VMA22: variants seen among roughly 807,000 people sequenced by gnomAD.
The protein encoded by VMA22 is vacuolar ATPase assembly factor VMA22, also known as vacuolar ATPase assembly protein VMA22.
At chr2:130,339,833 A>C in the VMA22 span, 2 of 1,280,452 alleles carry the variant, frequency 1.6e-6, no homozygotes, top group Non-Finnish European at 2.0e-6. Flanking sequence ...TCCCGTCCAT[A>C]CTCCCCAGGC....
the VMA22 span, chr2:130,339,287 G>C: frequency 2.0e-6 from 3 of 1,493,160 alleles, no homozygotes; most frequent in South Asian, 1.2e-5. Context: ...ACACGACCCA[G>C]GAGGATCTGG....
chr2:130,342,206 T>G, the VMA22 span: 2 of 1,568,298 alleles, frequency 1.3e-6, no homozygotes, highest in Non-Finnish European at 1.7e-6. Context: ...GCACACGAGA[T>G]CCTCCATCAA....
chr2:130,341,316 A>G, the VMA22 span: 1 of 547,548 alleles, frequency 1.8e-6, no homozygotes, highest in Non-Finnish European at 3.2e-6. Context: ...GTACCTGAAC[A>G]TGCCAACAGA....
chr2:130,341,801 G>GGGCCCCCCCCCCCCCCCCCCCC, the VMA22 span: 2 of 1,378,140 alleles, frequency 1.5e-6, no homozygotes, highest in Non-Finnish European at 9.9e-7. Flanking sequence ...CCTAGAACGC[G>GGGCCCCCCCCCCCCCCCCCCCC]CCCGCCCGCC....
chr2:130,341,305 T>C, the VMA22 span: 1 of 553,532 alleles, frequency 1.8e-6, no homozygotes, highest in East Asian at 3.1e-5. Context: ...TCTTACCCAT[T>C]GTACCTGAAC....
the VMA22 span, chr2:130,341,979 C>T: frequency 6.2e-7 from 1 of 1,612,552 alleles, no homozygotes; most frequent in Non-Finnish European, 8.5e-7. Flanking sequence ...ACTCAGTTTA[C>T]GCCCGTGTAC....
chr2:130,339,474 G>C, the VMA22 span: 4 of 1,383,048 alleles, frequency 2.9e-6, no homozygotes, highest in Non-Finnish European at 3.8e-6. Flanking sequence ...TCACCCACCA[G>C]GAACTAAAAA....
chr2:130,341,930 G>A, the VMA22 span: 7 of 1,613,574 alleles, frequency 4.3e-6, no homozygotes, highest in African/African-American at 2.7e-5. Context: ...GAGCCTTGGC[G>A]AGCGAGAGCC....
the VMA22 span, chr2:130,339,257 C>CA: frequency 1.3e-6 from 2 of 1,597,430 alleles, no homozygotes; most frequent in Admixed American, 3.3e-5. Context: ...AGAAGGTCAC[C>CA]ATGGTATCTG....
chr2:130,339,716 G>C, the VMA22 span: 24 of 1,304,252 alleles, frequency 1.8e-5, no homozygotes, highest in East Asian at 6.7e-4. Flanking sequence ...CCACACATTG[G>C]ATCACTCGCT....
At chr2:130,338,854 T>C in the VMA22 span, 3 of 418,094 alleles carry the variant, frequency 7.2e-6, no homozygotes, top group East Asian at 4.8e-5. Flanking sequence ...GTTCCAATTG[T>C]TGACTAACGT....
chr2:130,339,306 A>G, the VMA22 span: 1 of 1,445,018 alleles, frequency 6.9e-7, no homozygotes, highest in Admixed American at 1.9e-5. Context: ...GGATATCCCC[A>G]GAAATTGGAA....
the VMA22 span, chr2:130,339,573 A>C: frequency 7.8e-7 from 1 of 1,283,878 alleles, no homozygotes; most frequent in Non-Finnish European, 1.0e-6. Flanking sequence ...CTCTCCCTCC[A>C]CTTCTTTTCT....
the VMA22 span, chr2:130,339,622 T>C: frequency 7.7e-7 from 1 of 1,305,626 alleles, no homozygotes; most frequent in Non-Finnish European, 1.0e-6. Flanking sequence ...TAGATGGCTT[T>C]TGCTGATGTC....
the VMA22 span, chr2:130,341,659 G>A: frequency 1.2e-6 from 2 of 1,609,104 alleles, no homozygotes; most frequent in Non-Finnish European, 1.7e-6. Flanking sequence ...AAGGAAGAGG[G>A]GGCTCACCTG....
chr2:130,339,241 AAGGAG>A, the VMA22 span: 1 of 1,609,732 alleles, frequency 6.2e-7, no homozygotes, highest in Non-Finnish European at 8.5e-7. Flanking sequence ...GCCTGGAGGA[AAGGAG>A]AGAAGGTCAC....
At chr2:130,338,924 G>C in the VMA22 span, 1 of 578,692 alleles carries the variant, frequency 1.7e-6, no homozygotes, top group African/African-American at 1.9e-5. Flanking sequence ...TTTCAAAGTA[G>C]TGGCTTTCAA....
chr2:130,340,685 C>T, the VMA22 span: 94 of 580,140 alleles, frequency 1.6e-4, no homozygotes, highest in Non-Finnish European at 2.6e-4. Context: ...GTGTTTGTCT[C>T]TTTTGTTCCC....
At chr2:130,341,873 G>C in the VMA22 span, 5 of 1,612,074 alleles carry the variant, frequency 3.1e-6, no homozygotes, top group African/African-American at 6.7e-5. Flanking sequence ...GCTCCATGTG[G>C]GAAGCATACT....
Sources: gnomAD v4.1 joint callset for allele counts on GRCh38, gnomAD v4.1.1 for gene constraint, MANE v1.5 for transcripts, NCBI Gene and HGNC (gene_info 2026-07-23, HGNC 2026-07-21) for gene names.